Variants in ROBO2 observed in about 807,000 individuals in gnomAD.
The protein encoded by ROBO2 is roundabout homolog 2.
In ROBO2, 53 loss-of-function variants were observed where a neutral mutation model predicts 160.8. That is an observed-to-expected ratio of 0.33 (90% CI 0.26 to 0.41). ROBO2 has a LOEUF of 0.41. Among genes scored for constraint, ROBO2 ranks in the 10% least tolerant of loss-of-function variants. ROBO2 has a pLI of 1.00. For missense variants in ROBO2, 1,577 were observed against 1,722.4 expected, an observed-to-expected ratio of 0.92 and a Z score of 1.49; for synonymous variants, 664 against 611.7, an observed-to-expected ratio of 1.09 and a Z score of -1.26.
intron 2 of ROBO2, among the ~76,000 whole-genome samples, chr3:77,112,250 G>C (rs73095826): frequency 1.1e-4 from 17 of 149,144 alleles, no homozygotes; most frequent in East Asian, 4.0e-4. Context: ...GGGGGTGGAG[G>C]GGGGGACGCA....
intron 1 of ROBO2, among the ~76,000 whole-genome samples, chr3:77,054,346 TATTAA>T (rs1159846330): frequency 6.6e-6 from 1 of 152,216 alleles, no homozygotes; most frequent in African/African-American, 2.4e-5. Context: ...TAAATTGATC[TATTAA>T]ATTTAATAGA....
rs34113661 is a variant in ROBO2 at position 76,605,386 on chromosome 3, T to TA, written c.110-492618dup. On this transcript the variant is annotated intron_variant, in intron 2 of 26. Coordinates refer to the ROBO2 transcript ENST00000487694. Reference sequence around the variant, plus strand: ...TTTTATAGCTTCTCCAACTGTATTTTAAAAAAAAAAGGTAATTGGAATCAC... The same window carrying TA: ...TTTTATAGCTTCTCCAACTGTATTTTAAAAAAAAAAAGGTAATTGGAATCAC... Among the ~76,000 whole-genome samples, 145 of 150,456 alleles carry TA rather than the reference T, an allele frequency of 9.6e-4. 1 individual carries two copies. The highest frequency in any genetic ancestry group is 2.5e-3 in the East Asian group (13 of 5,114).
At position 77,212,306 on chromosome 3, in the gene ROBO2, G is replaced by A. The variant is rs1218237871; in HGVS notation, c.388+113966G>A. ...GGTCCTTCACATCCCTTGTAAGTTGGATTCCTAAGTATTTTATTCTCTTTG... is the reference window on the plus strand; with the variant it reads ...GGTCCTTCACATCCCTTGTAAGTTGAATTCCTAAGTATTTTATTCTCTTTG... On this transcript the variant is annotated intron_variant, in intron 2 of 25. Coordinates refer to ENST00000461745, the Ensembl canonical transcript of ROBO2. Among the ~76,000 whole-genome samples, 4 of 152,080 alleles carry A rather than the reference G, an allele frequency of 2.6e-5. No individual in the cohort carries two copies. In the East Asian group the frequency reaches 7.7e-4, roughly 29 times the overall value.
chr3:76,580,090 G>A (rs1023040941), intron 2 of ROBO2, among the ~76,000 whole-genome samples: 2 of 152,048 alleles, frequency 1.3e-5, no homozygotes, highest in African/African-American at 4.8e-5. Context: ...ATTTCTGCCT[G>A]CCCTCTGCTC....
At chr3:77,366,755 G>A (rs902652854) in intron 2 of ROBO2, among the ~76,000 whole-genome samples, 2 of 152,042 alleles carry the variant, frequency 1.3e-5, no homozygotes, top group Admixed American at 6.6e-5. Context: ...CATGGCCAGA[G>A]AGGAAGTGAG....
chr3:76,872,337 TA>T (rs1397314166), intron 2 of ROBO2, among the ~76,000 whole-genome samples: 1 of 152,114 alleles, frequency 6.6e-6, no homozygotes, highest in Non-Finnish European at 1.5e-5. Flanking sequence ...TAGAAAAATA[TA>T]AAAAATACAG....
chr3:76,729,227 G>A (rs2093597231), intron 2 of ROBO2, among the ~76,000 whole-genome samples: 1 of 87,858 alleles, frequency 1.1e-5, no homozygotes, highest in Admixed American at 1.4e-4. Context: ...TACTACCAGA[G>A]TAACTGTCTT....
chr3:76,626,726 T>C (rs1170602745), intron 2 of ROBO2, among the ~76,000 whole-genome samples: 1 of 152,058 alleles, frequency 6.6e-6, no homozygotes, highest in African/African-American at 2.4e-5. Context: ...GGAGTCTCAC[T>C]CTGTCGCCCA....
intron 2 of ROBO2, among the ~76,000 whole-genome samples, chr3:76,270,213 T>C (rs1707348772): frequency 6.6e-6 from 1 of 152,092 alleles, no homozygotes; most frequent in Non-Finnish European, 1.5e-5. Flanking sequence ...ATCAATGTTT[T>C]ACCTCTGTTG....
intron 2 of ROBO2, among the ~76,000 whole-genome samples, chr3:76,682,422 C>CATTTTTTT (rs58209079): frequency 3.2e-4 from 49 of 151,416 alleles, no homozygotes; most frequent in East Asian, 1.2e-3. Flanking sequence ...TTAAAAATTT[C>CATTTTTTT]TTTTGAGACG....
At chr3:76,772,677 A>G (rs369659000) in intron 2 of ROBO2, among the ~76,000 whole-genome samples, 1 of 151,016 alleles carries the variant, frequency 6.6e-6, no homozygotes, top group East Asian at 2.0e-4. Context: ...CTGCACTACA[A>G]TTTATTCCTG....
intron 2 of ROBO2, among the ~76,000 whole-genome samples, chr3:75,983,679 A>G (rs2065339424): frequency 6.6e-6 from 1 of 151,366 alleles, no homozygotes; most frequent in Non-Finnish European, 1.5e-5. Flanking sequence ...GACCAGTCTC[A>G]GTGACCCACA....
At chr3:77,575,215 G>A (rs2093731124) in intron 14 of ROBO2, among the ~76,000 whole-genome samples, 1 of 152,074 alleles carries the variant, frequency 6.6e-6, no homozygotes, top group African/African-American at 2.4e-5. Context: ...TCTTAGTGAA[G>A]TTCCCTCGTT....
intron 2 of ROBO2, among the ~76,000 whole-genome samples, chr3:76,526,573 G>A (rs561375536): frequency 1.8e-3 from 268 of 152,084 alleles, no homozygotes; most frequent in African/African-American, 5.4e-3. Flanking sequence ...AAAGAGAAGA[G>A]TGCTATAAAA....
intron 2 of ROBO2, among the ~76,000 whole-genome samples, chr3:76,496,643 T>C (rs1207745677): frequency 6.6e-6 from 1 of 152,174 alleles, no homozygotes; most frequent in Non-Finnish European, 1.5e-5. Flanking sequence ...CTTGACTCCC[T>C]AGAGTCCTTC....
At chr3:76,168,118 C>A (rs1412990039) in intron 2 of ROBO2, among the ~76,000 whole-genome samples, 3 of 152,086 alleles carry the variant, frequency 2.0e-5, no homozygotes, top group Admixed American at 2.0e-4. Flanking sequence ...AAGAAAGAAA[C>A]CTAGGGAGAA....
At chr3:76,455,976 T>C (rs568142798) in intron 2 of ROBO2, among the ~76,000 whole-genome samples, 1 of 152,308 alleles carries the variant, frequency 6.6e-6, no homozygotes, top group Admixed American at 6.5e-5. Context: ...CTTGACTCTA[T>C]GAATACACAA....
At chr3:77,277,157 C>CTTCTTTCTTT in intron 2 of ROBO2, among the ~76,000 whole-genome samples, 1 of 88,214 alleles carries the variant, frequency 1.1e-5, no homozygotes, top group Non-Finnish European at 2.3e-5. Flanking sequence ...TCCTTCTTTC[C>CTTCTTTCTTT]TTCTTTCTTT....
At chr3:77,394,335 G>A (rs2075054201) in intron 2 of ROBO2, among the ~76,000 whole-genome samples, 1 of 152,014 alleles carries the variant, frequency 6.6e-6, no homozygotes, top group Non-Finnish European at 1.5e-5. Flanking sequence ...GCCGTTGGCT[G>A]GTCGCCTCCC....
Sources: allele counts gnomAD v4.1 joint callset (sites outside exome capture counted in the v4.1 genomes callset), GRCh38; gene constraint gnomAD v4.1.1; transcripts MANE v1.5; gene names NCBI Gene and HGNC (gene_info 2026-07-23, HGNC 2026-07-21).